Variants in CCDC61 observed in about 807,000 individuals in gnomAD.
CCDC61 encodes centrosomal protein CCDC61.
In CCDC61, 55 loss-of-function variants were observed where a neutral mutation model predicts 63.0. The ratio of observed to expected loss-of-function variants is 0.87; its 90% CI spans 0.70 to 1.09. CCDC61 has a LOEUF of 1.09. Among genes scored for constraint, CCDC61 ranks in the 50% least tolerant of loss-of-function variants. The pLI is 0.00. For synonymous variants in CCDC61, 270 were observed against 317.0 expected, an observed-to-expected ratio of 0.85 and a Z score of 1.58; for missense variants, 651 against 731.4, an observed-to-expected ratio of 0.89 and a Z score of 1.27.
At chr19:46,001,143 C>T (rs1395881265) in intron 1 of CCDC61, among the ~76,000 whole-genome samples, 2 of 152,022 alleles carry the variant, frequency 1.3e-5, no homozygotes. Flanking sequence ...GGGGCGGGGC[C>T]AGTGCTGCCA....
chr19:46,018,117 C>G lies in CCDC61; in HGVS notation c.1408C>G (p.Leu470Val). The change falls in exon 13 of 14, where the codon CTG (leucine) becomes GTG (valine). Residue 470 changes from leucine to valine, a missense_variant. Physicochemically the swap from Leu to Val is conservative, Grantham distance 32. Transcript: ENST00000595358. The surrounding 1 kb of genome is among the most constrained non-coding windows in gnomAD (Gnocchi z 4.2). Reference protein sequence around the residue: ...PVERSHHQKSLANSGGWVPIK... With the variant: ...PVERSHHQKSVANSGGWVPIK... The stretch of plus-strand genomic sequence containing the variant: ...GGAACGCAGCCACCATCAGAAATCT[C>G]TGGCCAACTCCGGGGGCTGGGTCCC... The G allele has an allele frequency of 6.2e-7, 1 of 1,610,736 alleles. No individual in the cohort carries two copies. The highest frequency in any genetic ancestry group is 1.7e-4 in the Middle Eastern group (1 of 6,052).
At chr19:46,009,210 C>T (rs899067273) in intron 5 of CCDC61, among the ~76,000 whole-genome samples, 5 of 151,884 alleles carry the variant, frequency 3.3e-5, no homozygotes, top group Non-Finnish European at 5.9e-5. Flanking sequence ...GGTGGGAATG[C>T]GGTGAGAACA....
intron 4 of CCDC61, 96 bp from the exon 5 acceptor site, chr19:46,008,044 T>G: frequency 3.8e-6 from 5 of 1,325,558 alleles, no homozygotes; most frequent in Non-Finnish European, 5.1e-6. Flanking sequence ...TTTGGAATTG[T>G]GTGTTTTCGT....
chr19:45,997,002 G>A (rs1000861953), intron 1 of CCDC61, among the ~76,000 whole-genome samples: 2 of 152,000 alleles, frequency 1.3e-5, no homozygotes, highest in South Asian at 2.1e-4. Context: ...CCATATCCAC[G>A]AGGCCCCAAC....
At chr19:45,997,090 C>T (rs192358375) in intron 1 of CCDC61, among the ~76,000 whole-genome samples, 1 of 152,314 alleles carries the variant, frequency 6.6e-6, no homozygotes, top group African/African-American at 2.4e-5. Flanking sequence ...CTGCAGCCAC[C>T]CTGGCCTCCC....
intron 4 of CCDC61, among the ~76,000 whole-genome samples, chr19:46,006,985 A>C (rs1968723846): frequency 6.6e-6 from 1 of 152,146 alleles, no homozygotes; most frequent in South Asian, 2.1e-4. Context: ...CACCTGTTTA[A>C]CAGTTCCACT....
chr19:46,002,251 A>AC (rs1186314992), intron 1 of CCDC61, among the ~76,000 whole-genome samples: 2 of 149,428 alleles, frequency 1.3e-5, no homozygotes, highest in African/African-American at 2.5e-5. Context: ...GCCTGCTCTG[A>AC]CCCCCTTTTA....
intron 2 of CCDC61, 106 bp downstream of exon 2, chr19:46,003,272 C>A: frequency 6.9e-7 from 1 of 1,456,764 alleles, no homozygotes; most frequent in Non-Finnish European, 9.2e-7. Context: ...TTCTTTGTCA[C>A]CAGAAACTCT....
chr19:46,001,287 C>G (rs941832015), intron 1 of CCDC61, among the ~76,000 whole-genome samples: 1 of 152,152 alleles, frequency 6.6e-6, no homozygotes, highest in African/African-American at 2.4e-5. Flanking sequence ...AGTGCAATGG[C>G]ATGATCTTGG....
intron 5 of CCDC61, among the ~76,000 whole-genome samples, chr19:46,011,926 C>T (rs1256801440): frequency 1.3e-5 from 2 of 152,196 alleles, no homozygotes; most frequent in Admixed American, 1.3e-4. Flanking sequence ...CCTCAGCCTC[C>T]TGAGCAGCTG....
At position 46,016,551 on chromosome 19, in the gene CCDC61, C is replaced by A; in HGVS notation, c.1092-143C>A. 7.1e-7 allele frequency: 1 copy of A among 1,403,468 alleles called. No individual in the cohort carries two copies. The highest frequency in any genetic ancestry group is 9.8e-7 in the Non-Finnish European group (1 of 1,023,878). 86.9% of individuals were successfully genotyped at this position (1,403,468 alleles called of 1,614,324 possible). A position where few individuals can be genotyped will look rare whatever the true frequency, so the allele number is the denominator to read the frequency against. ...CTCCCTTCCGTCCGTCCTACCTCCT[C>A]GTCTGTGTTTCTGCGTGCTTTCCGC... On this transcript the variant is annotated intron_variant, in intron 9 of 13. Coordinates refer to ENST00000595358, the MANE Select transcript of CCDC61 (RefSeq NM_001267723.2). This position sits in a 1 kb window ranked among gnomAD's most constrained non-coding sequence, Gnocchi z 7.2.
At position 46,015,276 on chromosome 19, in the gene CCDC61, C is replaced by G. The variant is rs114839375; in HGVS notation, c.762+17C>G. 1,521 of 1,530,790 alleles carry G rather than the reference C, an allele frequency of 9.9e-4. 15 individuals carry two copies. In the African/African-American group the frequency reaches 0.018, roughly 18 times the overall value. 94.8% of individuals were successfully genotyped at this position (1,530,790 alleles called of 1,614,324 possible). ...GCCAAGGAGGTGAGCAGCGGGGGCCCGGGGCGGCCAGCGAGGCGCGGACCT... is the reference window on the plus strand; with the variant it reads ...GCCAAGGAGGTGAGCAGCGGGGGCCGGGGGCGGCCAGCGAGGCGCGGACCT... On this transcript the variant is annotated intron_variant, in intron 6 of 13. Coordinates refer to ENST00000595358, the MANE Select transcript of CCDC61 (RefSeq NM_001267723.2). This position sits in a 1 kb window ranked among gnomAD's most constrained non-coding sequence, Gnocchi z 5.3.
At chr19:45,995,530 G>A (rs779122706) in intron 1 of CCDC61, 26 bp downstream of exon 1, 2 of 507,914 alleles carry the variant, frequency 3.9e-6, no homozygotes, top group Non-Finnish European at 8.1e-6. Flanking sequence ...AGTGGCGGTT[G>A]CGCGGGCCGT....
Position 46,012,787 on chromosome 19 carries a change from G to A in CCDC61, c.552-2262G>A, listed in dbSNP as rs142808080. 4.5e-3 allele frequency among the ~76,000 whole-genome samples: 676 copies of A among 151,158 alleles called. 4 individuals are homozygous for A. Among genetic ancestry groups the A allele is most frequent in the African/African-American group, 0.016 (644 of 41,372 alleles). ...ACTCACTTGATTTGCTTATGGTTTT[G>A]CCAGCTGAACTATGCATCCCTAAAC... is the stretch of plus-strand genomic sequence containing the variant. On this transcript the variant is annotated intron_variant, in intron 5 of 13. Coordinates refer to ENST00000595358, the MANE Select transcript of CCDC61 (RefSeq NM_001267723.2).
intron 5 of CCDC61, among the ~76,000 whole-genome samples, chr19:46,008,705 G>A (rs959760064): frequency 4.6e-5 from 7 of 152,162 alleles, no homozygotes; most frequent in African/African-American, 9.7e-5. Flanking sequence ...CACTGCGCCC[G>A]GCCTCTGAGC....
chr19:45,999,812 G>T (rs1379216368), intron 1 of CCDC61, among the ~76,000 whole-genome samples: 1 of 152,116 alleles, frequency 6.6e-6, no homozygotes, highest in South Asian at 2.1e-4. Flanking sequence ...ATGTCATGAG[G>T]CCCGAGAAGT....
intron 5 of CCDC61, among the ~76,000 whole-genome samples, chr19:46,013,509 A>G (rs1245273224): frequency 1.3e-5 from 2 of 152,108 alleles, no homozygotes; most frequent in Non-Finnish European, 2.9e-5. Flanking sequence ...GGATAATAAC[A>G]TATTTATTTG....
chr19:45,997,690 CTAT>C (rs1346815069), intron 1 of CCDC61, among the ~76,000 whole-genome samples: 1 of 139,858 alleles, frequency 7.2e-6, no homozygotes, highest in African/African-American at 2.7e-5. Flanking sequence ...TGCGCTGGGC[CTAT>C]TATTATTTTT....
In CCDC61 at chr19:46,018,016, T is replaced by C. The variant is rs1968982750; in HGVS notation, c.1369-62T>C. 1.4e-6 allele frequency: 2 copies of C among 1,434,258 alleles called. No individual in the cohort carries two copies. Among genetic ancestry groups the C allele is most frequent in the African/African-American group, 1.4e-5 (1 of 70,100 alleles). The allele number at this position is 1,434,258 out of a possible 1,614,324, so 88.8% of individuals were successfully genotyped here. ...CTTAGGCTCAGGATTTCCAGTGGGA[T>C]TTAGGGGGACAGAAATAGAGGGACG... is the stretch of plus-strand genomic sequence containing the variant. On this transcript the variant is annotated intron_variant, in intron 12 of 13. Coordinates refer to ENST00000595358, the MANE Select transcript of CCDC61 (RefSeq NM_001267723.2). This position sits in a 1 kb window ranked among gnomAD's most constrained non-coding sequence, Gnocchi z 4.2.
Sources: allele counts gnomAD v4.1 joint callset (sites outside exome capture counted in the v4.1 genomes callset), GRCh38; gene constraint gnomAD v4.1.1; non-coding constraint Gnocchi (gnomAD v3.1); transcripts MANE v1.5; gene names NCBI Gene and HGNC (gene_info 2026-07-23, HGNC 2026-07-21).